RERG: variants seen among roughly 807,000 people sequenced by gnomAD.
RERG encodes the protein ras-related and estrogen-regulated growth inhibitor.
RERG carries 25 observed loss-of-function variants against 23.2 expected under a neutral mutation model. The ratio of observed to expected loss-of-function variants is 1.08; its 90% CI spans 0.79 to 1.50. RERG has a LOEUF of 1.50. Ranked by LOEUF, RERG falls within the 40% of genes most tolerant of loss-of-function variation. RERG has a pLI of 0.00. For missense variants in RERG, 253 were observed against 250.1 expected (o/e 1.01, Z -0.08); for synonymous variants, 81 against 89.1 (o/e 0.91, Z 0.51).
At chr12:15,206,678 T>A (rs1055154297) in intron 2 of RERG, among the ~76,000 whole-genome samples, 1 of 152,098 alleles carries the variant, frequency 6.6e-6, no homozygotes, top group Non-Finnish European at 1.5e-5. Context: ...AAGTTTGATA[T>A]CAACTGCTAT....
At chr12:15,140,288 C>T (rs576381973) in intron 2 of RERG, among the ~76,000 whole-genome samples, 1 of 152,204 alleles carries the variant, frequency 6.6e-6, no homozygotes, top group African/African-American at 2.4e-5. Context: ...AGCAAAAAGA[C>T]AGCTACCCGG....
chr12:15,117,148 T>TTTTC (rs1863736911), intron 3 of RERG, among the ~76,000 whole-genome samples: 1 of 151,700 alleles, frequency 6.6e-6, no homozygotes. Context: ...TTAGCTTTTT[T>TTTTC]TTTTTTTGCG....
At chr12:15,142,178 A>G (rs1864248945) in intron 2 of RERG, among the ~76,000 whole-genome samples, 1 of 152,194 alleles carries the variant, frequency 6.6e-6, no homozygotes, top group Non-Finnish European at 1.5e-5. Context: ...ACAGGCTCAA[A>G]TATTTACATA....
chr12:15,109,408 A>G lies in RERG; in HGVS notation c.302T>C (p.Ile101Thr). The change falls in exon 5 of 5, where the codon ATC becomes ACC. Residue 101 changes from isoleucine to threonine, a missense_variant. Transcript: ENST00000256953. ...SFEEVLPLKN[I>T]LDEIKKPKNV... ...CTTGGGCTTTTTGATCTCATCTAGG[A>G]TGTTCTTAAGTGGCAGCACTTCCTC... is the stretch of plus-strand genomic sequence containing the variant. The G allele has an allele frequency of 6.2e-7, 1 of 1,614,024 alleles. No homozygotes were observed. Among genetic ancestry groups the G allele is most frequent in the Non-Finnish European group, 8.5e-7 (1 of 1,179,996 alleles).
intron 2 of RERG, among the ~76,000 whole-genome samples, chr12:15,178,834 CCT>C (rs1347486767): frequency 3.9e-5 from 6 of 152,174 alleles, no homozygotes; most frequent in Middle Eastern, 3.4e-3. Context: ...AGAGATTACC[CCT>C]GTCAATATAA....
At chr12:15,165,454 T>C (rs903187591) in intron 2 of RERG, among the ~76,000 whole-genome samples, 1 of 152,258 alleles carries the variant, frequency 6.6e-6, no homozygotes, top group African/African-American at 2.4e-5. Context: ...ATACACTTTA[T>C]GCTTCCCTAA....
intron 2 of RERG, among the ~76,000 whole-genome samples, chr12:15,181,533 C>T (rs1864922385): frequency 6.6e-6 from 1 of 152,176 alleles, no homozygotes; most frequent in Non-Finnish European, 1.5e-5. Flanking sequence ...GTTACATAAC[C>T]TTGGATATCA....
At chr12:15,163,903 G>T (rs568900445) in intron 2 of RERG, among the ~76,000 whole-genome samples, 16 of 152,272 alleles carry the variant, frequency 1.1e-4, no homozygotes, top group Admixed American at 5.2e-4. Context: ...ACAGGAAGGG[G>T]TAGGGCGGAG....
chr12:15,151,012 A>T (rs1864432250), intron 2 of RERG, among the ~76,000 whole-genome samples: 1 of 152,214 alleles, frequency 6.6e-6, no homozygotes, highest in South Asian at 2.1e-4. Flanking sequence ...TTATAAATAC[A>T]GAAAACAGCT....
At chr12:15,185,170 A>G (rs1201118625) in intron 2 of RERG, among the ~76,000 whole-genome samples, 1 of 152,172 alleles carries the variant, frequency 6.6e-6, no homozygotes, top group Non-Finnish European at 1.5e-5. Flanking sequence ...CAATTGTCAG[A>G]ATACACATAA....
intron 2 of RERG, among the ~76,000 whole-genome samples, 164 bp from the exon 3 acceptor site, chr12:15,121,283 C>T (rs904786583): frequency 6.6e-6 from 1 of 151,942 alleles, no homozygotes; most frequent in Non-Finnish European, 1.5e-5. Context: ...AGTAATTTTC[C>T]AATTTCATAT....
At chr12:15,128,118 C>T (rs928687987) in intron 2 of RERG, among the ~76,000 whole-genome samples, 3 of 151,524 alleles carry the variant, frequency 2.0e-5, no homozygotes, top group Admixed American at 6.6e-5. Context: ...TTTTTTTTAA[C>T]GTGAGCGTAC....
intron 2 of RERG, among the ~76,000 whole-genome samples, chr12:15,132,008 T>C (rs1864056782): frequency 6.6e-6 from 1 of 152,118 alleles, no homozygotes; most frequent in Non-Finnish European, 1.5e-5. Flanking sequence ...AGCACCCCCA[T>C]TATGAAAAGC....
intron 2 of RERG, among the ~76,000 whole-genome samples, chr12:15,172,721 C>G (rs958000871): frequency 2.0e-5 from 3 of 152,026 alleles, no homozygotes; most frequent in African/African-American, 7.2e-5. Flanking sequence ...TTGCATTTCC[C>G]TAATGGCTAA....
intron 3 of RERG, among the ~76,000 whole-genome samples, chr12:15,112,069 T>C (rs1052171407): frequency 3.3e-5 from 5 of 152,160 alleles, no homozygotes; most frequent in Admixed American, 6.5e-5. Context: ...ACAATGTAAA[T>C]TGAGAAGGTG....
At chr12:15,220,109 G>A (rs2136153302) in intron 1 of RERG, among the ~76,000 whole-genome samples, 1 of 152,312 alleles carries the variant, frequency 6.6e-6, no homozygotes, top group East Asian at 1.9e-4. Flanking sequence ...TATGTAAATT[G>A]TTGTAATAAG....
At chr12:15,116,413 G>A (rs764128824) in intron 3 of RERG, among the ~76,000 whole-genome samples, 5 of 152,184 alleles carry the variant, frequency 3.3e-5, no homozygotes, top group Admixed American at 3.3e-4. Flanking sequence ...ATGATAAATA[G>A]GGTATGTATT....
At chr12:15,166,171 C>T (rs1366558313) in intron 2 of RERG, among the ~76,000 whole-genome samples, 2 of 152,226 alleles carry the variant, frequency 1.3e-5, no homozygotes, top group Non-Finnish European at 2.9e-5. Flanking sequence ...GATAGCCCTG[C>T]TGTCTGCCTT....
At chr12:15,188,048 G>A (rs2136132970) in intron 2 of RERG, among the ~76,000 whole-genome samples, 1 of 152,246 alleles carries the variant, frequency 6.6e-6, no homozygotes. Flanking sequence ...GCTAGAATGG[G>A]TCCTTCAACA....
Sources: allele counts gnomAD v4.1 joint callset (sites outside exome capture counted in the v4.1 genomes callset), GRCh38; gene constraint gnomAD v4.1.1; transcripts MANE v1.5; gene names NCBI Gene and HGNC (gene_info 2026-07-23, HGNC 2026-07-21).